Variants in MSH3 observed in about 807,000 individuals in gnomAD.
The protein encoded by MSH3 is DNA mismatch repair protein Msh3.
MSH3 carries 106 observed loss-of-function variants against 123.3 expected under a neutral mutation model. That is an observed-to-expected ratio of 0.86 (90% CI 0.73 to 1.01). The LOEUF is 1.01. Among genes scored for constraint, MSH3 ranks in the 50% least tolerant of loss-of-function variants. The pLI is 0.00. For missense variants in MSH3, 1,459 were observed against 1,347.6 expected (o/e 1.08, Z -1.29); for synonymous variants, 515 against 481.4 (o/e 1.07, Z -0.91).
intron 2 of MSH3, among the ~76,000 whole-genome samples, chr5:80,658,971 C>T (rs1643653): frequency 0.26 from 39,020 of 151,980 alleles, 5,189 homozygotes; most frequent in Middle Eastern, 0.33. Context: ...CGGTGGCTCA[C>T]GCCTGTAATC....
At chr5:80,793,277 T>C (rs1744640486) in intron 19 of MSH3, among the ~76,000 whole-genome samples, 1 of 152,218 alleles carries the variant, frequency 6.6e-6, no homozygotes, top group African/African-American at 2.4e-5. Flanking sequence ...TGGATTTCTC[T>C]TACATAACAC....
At chr5:80,672,888 T>C in intron 6 of MSH3, 30 bp downstream of exon 6, 2 of 1,484,972 alleles carry the variant, frequency 1.3e-6, no homozygotes, top group Admixed American at 1.7e-5. Context: ...GTTTTTCTCT[T>C]AAATGATACA....
At chr5:80,678,112 A>G (rs972691501) in intron 7 of MSH3, among the ~76,000 whole-genome samples, 2 of 152,092 alleles carry the variant, frequency 1.3e-5, no homozygotes, top group African/African-American at 4.8e-5. Flanking sequence ...GGGATTGGTG[A>G]TTTTTCCTCT....
intron 22 of MSH3, among the ~76,000 whole-genome samples, chr5:80,865,398 A>G (rs1487395687): frequency 2.6e-5 from 4 of 152,174 alleles, no homozygotes; most frequent in Non-Finnish European, 5.9e-5. Context: ...TAATATTATA[A>G]GGAAACTGAA....
chr5:80,739,192 C>T (rs1743567806), intron 10 of MSH3, among the ~76,000 whole-genome samples: 2 of 151,646 alleles, frequency 1.3e-5, no homozygotes, highest in Admixed American at 1.3e-4. Flanking sequence ...ATTGTCAGAA[C>T]AGCGGAAGTA....
At chr5:80,852,490 G>A (rs1436159623) in intron 20 of MSH3, among the ~76,000 whole-genome samples, 1 of 152,152 alleles carries the variant, frequency 6.6e-6, no homozygotes, top group African/African-American at 2.4e-5. Flanking sequence ...GCAAACAGTG[G>A]TAGACAGGGT....
rs777793971 is a variant in MSH3, at chr5:80,656,543, G to A, written c.358+12G>A. The stretch of plus-strand genomic sequence containing the variant: ...GTCTGGCAACTCTGGTGAGTTGTGG[G>A]GGATTCTTTTTTCTCCTCAGTCATG... On this transcript the variant is annotated intron_variant, in intron 2 of 23. Transcript: ENST00000265081. 6.2e-7 allele frequency: 1 copy of A among 1,614,008 alleles called. No homozygotes were observed. Among genetic ancestry groups the A allele is most frequent in the Admixed American group, 1.7e-5 (1 of 60,024 alleles).
At chr5:80,837,844 C>T (rs1745544254) in intron 20 of MSH3, among the ~76,000 whole-genome samples, 1 of 152,202 alleles carries the variant, frequency 6.6e-6, no homozygotes, top group African/African-American at 2.4e-5. Context: ...GTGGGATTCT[C>T]ACCTTGAGTC....
At chr5:80,702,696 G>C (rs1266384748) in intron 8 of MSH3, among the ~76,000 whole-genome samples, 1 of 130,242 alleles carries the variant, frequency 7.7e-6, no homozygotes, top group African/African-American at 3.1e-5. Flanking sequence ...GTTTAAACAA[G>C]GTTGAAATAA....
At chr5:80,792,268 A>G (rs922419971) in intron 18 of MSH3, among the ~76,000 whole-genome samples, 36 of 152,124 alleles carry the variant, frequency 2.4e-4, no homozygotes, top group Non-Finnish European at 2.4e-4. Flanking sequence ...GCATGGTGAC[A>G]TGCACCTATA....
intron 20 of MSH3, among the ~76,000 whole-genome samples, chr5:80,821,040 T>A (rs1040414560): frequency 2.0e-5 from 3 of 152,212 alleles, no homozygotes; most frequent in Non-Finnish European, 2.9e-5. Context: ...GGGATAATCA[T>A]GATACTTATA....
intron 8 of MSH3, among the ~76,000 whole-genome samples, chr5:80,688,780 A>G (rs1750156121): frequency 6.6e-6 from 1 of 151,672 alleles, no homozygotes; most frequent in African/African-American, 2.4e-5. Context: ...TAAAAGAAAC[A>G]ACAGGTCTTA....
At chr5:80,674,950 A>G in intron 6 of MSH3, 33 bp from the exon 7 acceptor site, 1 of 1,448,786 alleles carries the variant, frequency 6.9e-7, no homozygotes, top group Non-Finnish European at 9.5e-7. Flanking sequence ...TTTAGAATTT[A>G]GCATATAATT....
intron 8 of MSH3, among the ~76,000 whole-genome samples, chr5:80,696,042 A>G (rs1390921956): frequency 1.3e-5 from 2 of 152,018 alleles, no homozygotes; most frequent in Admixed American, 1.3e-4. Flanking sequence ...TTTCCGTTGA[A>G]ACCCGAGGGA....
intron 2 of MSH3, among the ~76,000 whole-genome samples, chr5:80,662,451 C>G (rs1042927804): frequency 6.6e-6 from 1 of 152,074 alleles, no homozygotes; most frequent in Non-Finnish European, 1.5e-5. Flanking sequence ...ATAAGAGTCC[C>G]TGATTATTTC....
At chr5:80,672,187 T>C in intron 4 of MSH3, 57 bp from the exon 5 acceptor site, 1 of 1,236,014 alleles carries the variant, frequency 8.1e-7, no homozygotes, top group East Asian at 2.5e-5. Context: ...TGAACCAACA[T>C]CACATAGGGA....
chr5:80,860,612 C>T (rs1360258458), intron 21 of MSH3, among the ~76,000 whole-genome samples: 3 of 150,458 alleles, frequency 2.0e-5, no homozygotes, highest in Non-Finnish European at 4.4e-5. Context: ...CTTTGGTTTT[C>T]TGTAGTTTGA....
chr5:80,843,792 T>G (rs961907172), intron 20 of MSH3, among the ~76,000 whole-genome samples: 4 of 152,136 alleles, frequency 2.6e-5, no homozygotes, highest in African/African-American at 7.2e-5. Context: ...GATTCTTCTC[T>G]CTTTTGTTCG....
At chr5:80,740,958 C>T (rs976113060) in intron 10 of MSH3, among the ~76,000 whole-genome samples, 78 of 151,964 alleles carry the variant, frequency 5.1e-4, no homozygotes, top group African/African-American at 1.7e-3. Context: ...TCAGGTGATC[C>T]GCCTGCCTCA....
Sources: gnomAD v4.1 joint callset for allele counts (sites outside exome capture counted in the v4.1 genomes callset) on GRCh38, gnomAD v4.1.1 for gene constraint, MANE v1.5 for transcripts, NCBI Gene and HGNC (gene_info 2026-07-23, HGNC 2026-07-21) for gene names.